CNTNAP2: variants seen among roughly 807,000 people sequenced by gnomAD.
CNTNAP2 encodes contactin-associated protein-like 2.
In CNTNAP2, 98 loss-of-function variants were observed where a neutral mutation model predicts 155.2. That is an observed-to-expected ratio of 0.63 (90% CI 0.54 to 0.75). The LOEUF is 0.75. CNTNAP2 is among the 30% of genes least tolerant of loss of function. The pLI is 0.00. For missense variants in CNTNAP2, 1,727 were observed against 1,688.1 expected (o/e 1.02, Z -0.40); for synonymous variants, 651 against 631.2 (o/e 1.03, Z -0.47).
intron 1 of CNTNAP2, among the ~76,000 whole-genome samples, chr7:146,179,258 G>T (rs1263960067): frequency 2.0e-5 from 3 of 152,050 alleles, no homozygotes; most frequent in African/African-American, 4.8e-5. Context: ...TCTGGACAGG[G>T]TATCGCCATG....
Position 148,063,638 on chromosome 7 carries a change from A to G in CNTNAP2, c.2384-54480A>G, listed in dbSNP as rs111349467. Among the ~76,000 whole-genome samples, 457 of 150,586 alleles carry G rather than the reference A, an allele frequency of 3.0e-3. 1 individual carries two copies. Among genetic ancestry groups the G allele is most frequent in the African/African-American group, 0.011 (438 of 40,982 alleles). ...TGGGGAACAGGTAGTGTTTAGTTAC[A>G]TGGAAAACTTCTGTAGTGGGTGACA... On this transcript the variant is annotated intron_variant, in intron 15 of 23. Transcript: ENST00000361727.
intron 13 of CNTNAP2, among the ~76,000 whole-genome samples, chr7:147,839,665 C>G (rs1233767302): frequency 1.3e-5 from 2 of 152,072 alleles, no homozygotes; most frequent in Non-Finnish European, 1.5e-5. Context: ...AGTGTGACAA[C>G]CAAAATGTCT....
chr7:147,131,637 T>C (rs537128375), intron 7 of CNTNAP2, among the ~76,000 whole-genome samples: 59 of 152,016 alleles, frequency 3.9e-4, no homozygotes, highest in African/African-American at 1.3e-3. Context: ...GGATTTTGAG[T>C]TGGATACTAA....
At chr7:147,740,302 A>G (rs1796934947) in intron 13 of CNTNAP2, among the ~76,000 whole-genome samples, 2 of 152,212 alleles carry the variant, frequency 1.3e-5, no homozygotes, top group African/African-American at 4.8e-5. Flanking sequence ...TTGAATTTCA[A>G]ACTCAAAAGT....
chr7:146,158,902 T>C (rs1798172045), intron 1 of CNTNAP2, among the ~76,000 whole-genome samples: 1 of 152,142 alleles, frequency 6.6e-6, no homozygotes, highest in African/African-American at 2.4e-5. Context: ...GCTACAAAGA[T>C]ACTCCTCAAG....
At chr7:147,187,426 T>A (rs1802588578) in intron 8 of CNTNAP2, among the ~76,000 whole-genome samples, 1 of 152,062 alleles carries the variant, frequency 6.6e-6, no homozygotes, top group Non-Finnish European at 1.5e-5. Flanking sequence ...GAATACTAGG[T>A]AGCCATAAAA....
intron 9 of CNTNAP2, among the ~76,000 whole-genome samples, chr7:147,371,134 C>T (rs930751420): frequency 6.6e-6 from 1 of 152,030 alleles, no homozygotes; most frequent in Non-Finnish European, 1.5e-5. Flanking sequence ...CCTCCTATTG[C>T]TTAAATGAAG....
chr7:147,181,196 G>T (rs1313778405), intron 8 of CNTNAP2, among the ~76,000 whole-genome samples: 1 of 152,070 alleles, frequency 6.6e-6, no homozygotes, highest in African/African-American at 2.4e-5. Flanking sequence ...GTTTGAGCTG[G>T]GGGGACAGCA....
intron 13 of CNTNAP2, among the ~76,000 whole-genome samples, chr7:147,719,997 G>A (rs1236465057): frequency 6.6e-6 from 1 of 151,898 alleles, no homozygotes; most frequent in East Asian, 1.9e-4. Context: ...AATTAAGACA[G>A]GCACTCCTGT....
intron 15 of CNTNAP2, among the ~76,000 whole-genome samples, chr7:148,019,756 C>G (rs1802246066): frequency 6.6e-6 from 1 of 151,674 alleles, no homozygotes; most frequent in South Asian, 2.1e-4. Context: ...CGTGCCCATT[C>G]TCAGGGTATT....
chr7:148,054,534 A>G (rs1802971758), intron 15 of CNTNAP2, among the ~76,000 whole-genome samples: 1 of 141,024 alleles, frequency 7.1e-6, no homozygotes, highest in Non-Finnish European at 1.5e-5. Flanking sequence ...AGTGCTAGGC[A>G]TTCTGGGTTT....
intron 15 of CNTNAP2, among the ~76,000 whole-genome samples, chr7:148,098,400 C>T (rs1422584171): frequency 2.9e-5 from 4 of 137,892 alleles, no homozygotes; most frequent in Non-Finnish European, 4.6e-5. Flanking sequence ...GCCAAGATCA[C>T]GCCACTGCAC....
intron 18 of CNTNAP2, among the ~76,000 whole-genome samples, chr7:148,188,133 A>G (rs1795149145): frequency 6.6e-6 from 1 of 152,212 alleles, no homozygotes. Context: ...AGTTTAAGGA[A>G]TGTGCTTGGA....
Position 146,263,300 on chromosome 7 carries a change from C to T in CNTNAP2, c.97+146327C>T, listed in dbSNP as rs147402786. ...GAGGAAGGAAGGAAGGAAGGAAGGA[C>T]GGAAGGAAGGAAATAAAAAGCCTCA... On this transcript the variant is annotated intron_variant, in intron 1 of 23. Coordinates refer to ENST00000361727, the MANE Select transcript of CNTNAP2 (RefSeq NM_014141.6). Among the ~76,000 whole-genome samples the T allele has an allele frequency of 8.1e-5, 12 of 148,974 alleles. No homozygotes were observed. In the East Asian group the frequency reaches 1.4e-3, roughly 17 times the overall value.
At chr7:146,235,662 GC>G (rs1281491391) in intron 1 of CNTNAP2, among the ~76,000 whole-genome samples, 1 of 152,002 alleles carries the variant, frequency 6.6e-6, no homozygotes, top group African/African-American at 2.4e-5. Context: ...TGTACTTCCA[GC>G]CTGTGGTGTT....
At chr7:147,396,148 A>G (rs1796811501) in intron 10 of CNTNAP2, among the ~76,000 whole-genome samples, 1 of 141,412 alleles carries the variant, frequency 7.1e-6, no homozygotes, top group South Asian at 2.2e-4. Flanking sequence ...TATATATGAT[A>G]AATATATATG....
At chr7:146,235,952 ATGTGTGTGTGTG>A (rs34046295) in intron 1 of CNTNAP2, among the ~76,000 whole-genome samples, 1 of 149,404 alleles carries the variant, frequency 6.7e-6, no homozygotes, top group South Asian at 2.1e-4. Context: ...ACATATGGAA[ATGTGTGTGTGTG>A]TGTGTGTGTG....
chr7:148,195,125 G>T (rs1225323424), intron 18 of CNTNAP2, among the ~76,000 whole-genome samples: 1 of 152,178 alleles, frequency 6.6e-6, no homozygotes, highest in Non-Finnish European at 1.5e-5. Flanking sequence ...AATAGGCTTG[G>T]CTTTCCTTTC....
At chr7:147,064,882 A>G (rs1244928953) in intron 4 of CNTNAP2, among the ~76,000 whole-genome samples, 1 of 152,194 alleles carries the variant, frequency 6.6e-6, no homozygotes, top group East Asian at 1.9e-4. Context: ...TGTGAAGCCC[A>G]CATCAATTTT....
Sources: allele counts gnomAD v4.1 joint callset (sites outside exome capture counted in the v4.1 genomes callset), GRCh38; gene constraint gnomAD v4.1.1; transcripts MANE v1.5; gene names NCBI Gene and HGNC (gene_info 2026-07-23, HGNC 2026-07-21).